The following PRIM2 variants were observed in gnomAD, a reference collection of about 807,000 sequenced individuals.
PRIM2 encodes the protein DNA primase large subunit.
A neutral mutation model predicts 67.3 loss-of-function variants in PRIM2; 39 were observed. The observed-to-expected ratio is 0.58, with a 90% CI of 0.45 to 0.76. The LOEUF (loss-of-function observed/expected upper bound fraction) is 0.76. PRIM2 is among the 30% of genes least tolerant of loss of function. The probability of loss-of-function intolerance (pLI) is 0.00; values close to 1 mark genes in which losing one functional copy is unlikely to be tolerated. For synonymous variants in PRIM2, 143 were observed against 198.7 expected (o/e 0.72, Z 2.36); for missense variants, 398 against 598.7 (o/e 0.66, Z 3.50).
At chr6:57,398,496 T>C (rs1770598427) in intron 7 of PRIM2, among the ~76,000 whole-genome samples, 1 of 152,202 alleles carries the variant, frequency 6.6e-6, no homozygotes, top group Non-Finnish European at 1.5e-5. Flanking sequence ...TATTATTGCA[T>C]GGTGGTCCGT....
rs9475965 is a variant in PRIM2 at position 57,443,869 on chromosome 6, G to A, written c.693+61701G>A. On this transcript the variant is annotated intron_variant, in intron 7 of 13. Transcript: ENST00000615550. ...CAATGTCATGTAGTTTTTCCCATATGTTGTCTTCTAGTAGTTTTAGAGTTT... is the reference window on the plus strand; with the variant it reads ...CAATGTCATGTAGTTTTTCCCATATATTGTCTTCTAGTAGTTTTAGAGTTT... Among the ~76,000 whole-genome samples, 1,381 of 151,884 alleles carry A rather than the reference G, an allele frequency of 9.1e-3. 16 individuals carry two copies. Among genetic ancestry groups the A allele is most frequent in the African/African-American group, 0.031 (1,302 of 41,428 alleles).
chr6:57,607,276 T>C (rs1221592146), intron 12 of PRIM2, among the ~76,000 whole-genome samples: 6 of 152,108 alleles, frequency 3.9e-5, no homozygotes, highest in Admixed American at 2.6e-4. Context: ...TCTTACATAG[T>C]TTTTTAGTAC....
At chr6:57,262,529 C>T in the PRIM2 span, among the ~76,000 whole-genome samples, 3 of 152,140 alleles carry the variant, frequency 2.0e-5, no homozygotes, top group Non-Finnish European at 2.9e-5. Flanking sequence ...CTTCTGCTTG[C>T]AGGGCCACTT....
chr6:57,539,650 GTGTGTGTA>G (rs1195725892), intron 10 of PRIM2, among the ~76,000 whole-genome samples: 1,818 of 104,228 alleles, frequency 0.017, 19 homozygotes, highest in African/African-American at 0.045. Flanking sequence ...GTGTGTGTGT[GTGTGTGTA>G]TATATATATA....
chr6:57,374,299 A>T (rs1350097203), intron 5 of PRIM2, among the ~76,000 whole-genome samples: 7 of 144,694 alleles, frequency 4.8e-5, no homozygotes, highest in African/African-American at 8.0e-5. Context: ...TTATTTATTT[A>T]TTTATTTTTT....
intron 7 of PRIM2, among the ~76,000 whole-genome samples, chr6:57,429,152 A>G (rs1487282606): frequency 2.0e-5 from 3 of 152,248 alleles, no homozygotes; most frequent in Admixed American, 2.0e-4. Context: ...GCAAGACAGT[A>G]AGACCAGACT....
chr6:57,389,046 CTGGAT>C (rs1440948824), intron 7 of PRIM2, among the ~76,000 whole-genome samples: 1 of 152,152 alleles, frequency 6.6e-6, no homozygotes, highest in Non-Finnish European at 1.5e-5. Context: ...TAAATTGGAG[CTGGAT>C]TTCTTTAAGG....
At position 57,439,308 on chromosome 6, in the gene PRIM2, G is replaced by A. The variant is rs554934519; in HGVS notation, c.693+57140G>A. On this transcript the variant is annotated intron_variant, in intron 7 of 13. Coordinates refer to ENST00000615550, the MANE Select transcript of PRIM2 (RefSeq NM_000947.5). ...TTGGAAAACCTTTCTGTTTCTGAGC[G>A]TTCTCTGTATTCTGGCCAGTAGTTT... Among the ~76,000 whole-genome samples the A allele has an allele frequency of 4.5e-3, 663 of 146,118 alleles. 5 individuals carry two copies. The highest frequency in any genetic ancestry group is 0.016 in the African/African-American group (635 of 40,358).
the PRIM2 span, among the ~76,000 whole-genome samples, chr6:57,278,344 T>A: frequency 6.6e-6 from 1 of 152,084 alleles, no homozygotes; most frequent in Non-Finnish European, 1.5e-5. Context: ...ATTCTACCTT[T>A]GGAGCATATA....
At chr6:57,470,208 A>C (rs1414263282) in intron 7 of PRIM2, among the ~76,000 whole-genome samples, 2 of 151,886 alleles carry the variant, frequency 1.3e-5, no homozygotes, top group African/African-American at 4.8e-5. Context: ...CTCTTCAATC[A>C]CATCTTACAA....
chr6:57,330,621 T>G, intron 5 of PRIM2, among the ~76,000 whole-genome samples: 1 of 152,150 alleles, frequency 6.6e-6, no homozygotes, highest in East Asian at 1.9e-4. Context: ...TGTTTCTTTA[T>G]TTTTGCCCAA....
intron 7 of PRIM2, among the ~76,000 whole-genome samples, chr6:57,387,813 T>G (rs2127344608): frequency 6.6e-6 from 1 of 151,504 alleles, no homozygotes; most frequent in South Asian, 2.1e-4. Flanking sequence ...ATGCATAGGT[T>G]TGGGTACTAG....
chr6:57,348,818 G>A, intron 5 of PRIM2, among the ~76,000 whole-genome samples: 1 of 147,524 alleles, frequency 6.8e-6, no homozygotes, highest in South Asian at 2.2e-4. Flanking sequence ...CGCGATCTCG[G>A]CTCACTGCAA....
upstream of PRIM2, among the ~76,000 whole-genome samples, chr6:57,312,068 G>GGGAGA (rs1345420149): frequency 9.1e-3 from 48 of 5,264 alleles, 12 homozygotes; most frequent in South Asian, 0.076. Context: ...GAGGGGAGAG[G>GGGAGA]GGGGAGAGGG....
chr6:57,389,146 C>T (rs1242793016), intron 7 of PRIM2, among the ~76,000 whole-genome samples: 1 of 151,942 alleles, frequency 6.6e-6, no homozygotes, highest in African/African-American at 2.4e-5. Context: ...ACTCTGTCAC[C>T]CAGGCTGGAG....
intron 7 of PRIM2, among the ~76,000 whole-genome samples, chr6:57,397,343 T>G (rs555506295): frequency 6.6e-6 from 1 of 152,332 alleles, no homozygotes; most frequent in African/African-American, 2.4e-5. Context: ...CCCAGACTTC[T>G]TGGAGGCTTT....
intron 7 of PRIM2, among the ~76,000 whole-genome samples, chr6:57,504,221 A>C (rs1554347118): frequency 2.0e-5 from 3 of 152,154 alleles, no homozygotes; most frequent in Non-Finnish European, 4.4e-5. Context: ...TTATTTTTAT[A>C]ATTTACAAGG....
chr6:57,233,124 G>A, the PRIM2 span, among the ~76,000 whole-genome samples: 1 of 152,126 alleles, frequency 6.6e-6, no homozygotes, highest in Non-Finnish European at 1.5e-5. Flanking sequence ...AGCCTAGTTT[G>A]CATTTATGTT....
At chr6:57,374,540 T>C (rs1222491827) in intron 5 of PRIM2, among the ~76,000 whole-genome samples, 1 of 150,282 alleles carries the variant, frequency 6.7e-6, no homozygotes, top group Non-Finnish European at 1.5e-5. Flanking sequence ...GATCCGCCCG[T>C]CTCGGCCTCC....
Sources: allele counts gnomAD v4.1 joint callset (sites outside exome capture counted in the v4.1 genomes callset), GRCh38; gene constraint gnomAD v4.1.1; transcripts MANE v1.5; gene names NCBI Gene and HGNC (gene_info 2026-07-23, HGNC 2026-07-21).